LRRTM4: variants seen among roughly 807,000 people sequenced by gnomAD.
LRRTM4 encodes leucine-rich repeat transmembrane neuronal protein 4.
A neutral mutation model predicts 47.6 loss-of-function variants in LRRTM4; 25 were observed. The observed-to-expected ratio is 0.53, with a 90% confidence interval of 0.38 to 0.73. The LOEUF is 0.73. LRRTM4 is among the 30% of genes least tolerant of loss of function. The pLI is 0.00. For synonymous variants in LRRTM4, 311 were observed against 269.5 expected, an observed-to-expected ratio of 1.15 and a Z score of -1.51; for missense variants, 638 against 713.4, an observed-to-expected ratio of 0.89 and a Z score of 1.20.
intron 3 of LRRTM4, among the ~76,000 whole-genome samples, chr2:77,074,226 A>T (rs139224280): frequency 7.2e-5 from 11 of 152,332 alleles, no homozygotes; most frequent in African/African-American, 2.4e-4. Context: ...GTTATAACAT[A>T]GATGGTCTAA....
chr2:77,063,140 A>G (rs999462203), intron 3 of LRRTM4, among the ~76,000 whole-genome samples: 2 of 143,188 alleles, frequency 1.4e-5, no homozygotes, highest in African/African-American at 5.7e-5. Context: ...TTTTTTTTTT[A>G]GGAGAGACAG....
chr2:76,914,835 T>G (rs1674190012), intron 3 of LRRTM4, among the ~76,000 whole-genome samples: 1 of 152,234 alleles, frequency 6.6e-6, no homozygotes, highest in Admixed American at 6.5e-5. Context: ...TATTATAGTC[T>G]GGCTACAGTT....
At chr2:77,474,087 A>T (rs1286961814) in intron 3 of LRRTM4, among the ~76,000 whole-genome samples, 2 of 152,184 alleles carry the variant, frequency 1.3e-5, no homozygotes, top group Admixed American at 6.6e-5. Context: ...AGAGGTAAAG[A>T]AAAATTCAAT....
At chr2:77,484,807 G>A (rs1398555236) in intron 3 of LRRTM4, among the ~76,000 whole-genome samples, 1 of 151,358 alleles carries the variant, frequency 6.6e-6, no homozygotes, top group Admixed American at 6.6e-5. Flanking sequence ...TTCCTTTATT[G>A]TTTTTAACAG....
rs148332217 is a variant in LRRTM4 at position 76,820,450 on chromosome 2, T to A, written c.1552-71534A>T. Among the ~76,000 whole-genome samples the A allele has an allele frequency of 2.0e-5, 3 of 151,918 alleles. No homozygotes were observed. In the East Asian group the frequency reaches 5.8e-4, roughly 29 times the overall value. ...GTTTAAAAATTGTTCCAGGACACTA[T>A]GGAAGTAGGAGTGAAGGCAAAACAA... On this transcript the variant is annotated intron_variant, in intron 3 of 3. Transcript: ENST00000409884.
Position 77,092,144 on chromosome 2 carries a change from T to C in LRRTM4, c.1552-343228A>G, listed in dbSNP as rs572142693. 5.9e-3 allele frequency among the ~76,000 whole-genome samples: 881 copies of C among 149,596 alleles called. 10 individuals are homozygous for C. The highest frequency in any genetic ancestry group is 0.019 in the African/African-American group (787 of 40,402). ...TTTTCTTCCTCATACCTGACGCATA[T>C]ACTTTCTGCTTCCCGGCTCCTTCAG... is the stretch of plus-strand genomic sequence containing the variant. On this transcript the variant is annotated intron_variant, in intron 3 of 3. Transcript: ENST00000409884.
rs1199472844 is a variant in LRRTM4 at position 77,358,302 on chromosome 2, G to A, written c.1551+160016C>T. The stretch of plus-strand genomic sequence containing the variant: ...TGGTGGAGAAGATGAAAGGCAAAAT[G>A]TTCCTAGGAGAGCAAAGCCAAGAGG... On this transcript the variant is annotated intron_variant, in intron 3 of 3. Coordinates refer to ENST00000409884, the MANE Select transcript of LRRTM4 (RefSeq NM_001134745.3). 2.0e-5 allele frequency among the ~76,000 whole-genome samples: 3 copies of A among 152,128 alleles called. No individual in the cohort carries two copies. In the South Asian group the frequency reaches 6.2e-4, roughly 32 times the overall value.
chr2:76,844,637 T>C (rs898288730), intron 3 of LRRTM4, among the ~76,000 whole-genome samples: 10 of 152,180 alleles, frequency 6.6e-5, no homozygotes, highest in African/African-American at 2.2e-4. Flanking sequence ...TTTCCAGTAA[T>C]GAAATTTAAA....
intron 3 of LRRTM4, among the ~76,000 whole-genome samples, chr2:77,042,290 G>A (rs1050156767): frequency 4.0e-5 from 6 of 151,372 alleles, no homozygotes; most frequent in East Asian, 1.9e-4. Context: ...AAAATAGAAA[G>A]AAAGAAATCA....
At chr2:76,810,677 GTAACT>G (rs1269549880) in intron 3 of LRRTM4, among the ~76,000 whole-genome samples, 1 of 152,088 alleles carries the variant, frequency 6.6e-6, no homozygotes, top group Non-Finnish European at 1.5e-5. Context: ...TTAACCTGCT[GTAACT>G]TAACTTCCTT....
At chr2:77,364,041 A>G (rs1329076185) in intron 3 of LRRTM4, among the ~76,000 whole-genome samples, 1 of 152,016 alleles carries the variant, frequency 6.6e-6, no homozygotes, top group Non-Finnish European at 1.5e-5. Context: ...CAACACACCT[A>G]AATTTGAATC....
chr2:77,117,807 A>G (rs2103949278), intron 3 of LRRTM4, among the ~76,000 whole-genome samples: 1 of 151,998 alleles, frequency 6.6e-6, no homozygotes, highest in South Asian at 2.1e-4. Flanking sequence ...AAAAACATTT[A>G]TGGGTCCTGG....
rs1479336871 is a variant in LRRTM4 at position 77,519,837 on chromosome 2, C to T, written c.32G>A (p.Gly11Asp). ...AAGTAGCACCAGCACCACACTCATG[C>T]CTTTCAGCTGCGTAATTAAATGGAA... MGFHLITQLK[G>D]MSVVLVLLPT... Residue 11 changes from glycine to aspartate, a missense_variant, in exon 3 of 4, where the codon GGC becomes GAC. Transcript: ENST00000409884. The surrounding 1 kb of genome is among the most constrained non-coding windows in gnomAD (Gnocchi z 4.6). The T allele has an allele frequency of 6.2e-7, 1 of 1,607,096 alleles. No individual in the cohort carries two copies. The highest frequency in any genetic ancestry group is 8.5e-7 in the Non-Finnish European group (1 of 1,176,250).
intron 3 of LRRTM4, among the ~76,000 whole-genome samples, chr2:77,288,787 C>T (rs1020869194): frequency 1.2e-4 from 18 of 151,992 alleles, no homozygotes; most frequent in African/African-American, 4.1e-4. Context: ...TCCTGTTTCC[C>T]AATTTCCCAG....
At chr2:77,450,262 GTC>G (rs140781680) in intron 3 of LRRTM4, among the ~76,000 whole-genome samples, 84 of 144,466 alleles carry the variant, frequency 5.8e-4, no homozygotes, top group Non-Finnish European at 6.9e-4. Flanking sequence ...TTCTCTCTCC[GTC>G]TCTCTCTCTC....
intron 3 of LRRTM4, among the ~76,000 whole-genome samples, chr2:77,106,567 ATATT>A (rs1286801896): frequency 2.0e-5 from 3 of 152,144 alleles, no homozygotes; most frequent in Non-Finnish European, 4.4e-5. Flanking sequence ...GAAGAGAAAA[ATATT>A]TATAAGGCTA....
chr2:77,456,533 T>A (rs1168889923), intron 3 of LRRTM4, among the ~76,000 whole-genome samples: 1 of 152,044 alleles, frequency 6.6e-6, no homozygotes, highest in Non-Finnish European at 1.5e-5. Flanking sequence ...TCCAACATGC[T>A]CATTCTCTCT....
intron 3 of LRRTM4, among the ~76,000 whole-genome samples, chr2:76,892,499 G>C (rs1217182657): frequency 6.6e-6 from 1 of 151,604 alleles, no homozygotes; most frequent in East Asian, 1.9e-4. Context: ...ATAAGGCATA[G>C]TTTCTCCTAA....
chr2:77,267,404 C>T (rs1283359031), intron 3 of LRRTM4, among the ~76,000 whole-genome samples: 1 of 152,152 alleles, frequency 6.6e-6, no homozygotes, highest in Non-Finnish European at 1.5e-5. Flanking sequence ...TAAGATGCCA[C>T]CTTGAATACT....
Sources: gnomAD v4.1 joint callset for allele counts (sites outside exome capture counted in the v4.1 genomes callset) on GRCh38, gnomAD v4.1.1 for gene constraint, Gnocchi (gnomAD v3.1) non-coding constraint, MANE v1.5 for transcripts, NCBI Gene and HGNC (gene_info 2026-07-23, HGNC 2026-07-21) for gene names.